Variants in COPS7B observed in about 807,000 individuals in gnomAD.
COPS7B encodes COP9 signalosome complex subunit 7b.
Under a neutral mutation model 33.4 loss-of-function variants are expected in COPS7B, and 9 were observed. The observed-to-expected ratio is 0.27, with a 90% confidence interval of 0.16 to 0.47. COPS7B has a LOEUF of 0.47. COPS7B is among the 20% of genes least tolerant of loss of function. The pLI, the probability that COPS7B is intolerant of heterozygous loss-of-function variation, is 0.99. For synonymous variants in COPS7B, 119 were observed against 126.3 expected (o/e 0.94, Z 0.39); for missense variants, 242 against 318.2 (o/e 0.76, Z 1.82).
At chr2:231,805,083 C>T (rs888282787) in intron 6 of COPS7B, among the ~76,000 whole-genome samples, 3 of 152,172 alleles carry the variant, frequency 2.0e-5, no homozygotes, top group African/African-American at 4.8e-5. Context: ...TCTGTAGTCC[C>T]AGCTACTTAG....
Position 231,808,464 on chromosome 2 carries a change from C to G in COPS7B, c.*819C>G. 2.1e-6 allele frequency: 1 copy of G among 471,654 alleles called. No individual in the cohort carries two copies. Among genetic ancestry groups the G allele is most frequent in the Non-Finnish European group, 4.4e-6 (1 of 227,170 alleles). 29.2% of individuals were successfully genotyped at this position (471,654 alleles called of 1,614,324 possible). A position where few individuals can be genotyped will look rare whatever the true frequency, so the allele number is the denominator to read the frequency against. On this transcript the variant is annotated 3_prime_UTR_variant, in exon 7 of 7. Coordinates refer to ENST00000350033, the MANE Select transcript of COPS7B (RefSeq NM_022730.4). ...AACTGCCGGCTAATGCTTGCTCTCC[C>G]AAGATCTTTAACTCCTCCTGGCTGC...
Position 231,798,957 on chromosome 2 carries a change from A to C in COPS7B, c.629A>C (p.Glu210Ala), listed in dbSNP as rs774800382. ...CACAACCGAACTCAGCAGCAGGTAGAAGCAGAGGTAAGGAAGGAAAGGAAC... is the reference window on the plus strand; with the variant it reads ...CACAACCGAACTCAGCAGCAGGTAGCAGCAGAGGTAAGGAAGGAAAGGAAC... ...ENHNRTQQQV[E>A]AEVTNIKKTL... Residue 210 changes from glutamate (E) to alanine (A), a missense_variant, in exon 6 of 7, where the codon GAA becomes GCA. By Grantham distance (107) the Glu-to-Ala change is moderately radical. Transcript: ENST00000350033. 1 of 1,613,404 alleles carries C rather than the reference A, an allele frequency of 6.2e-7. No homozygotes were observed. The highest frequency in any genetic ancestry group is 8.5e-7 in the Non-Finnish European group (1 of 1,179,374).
At position 231,808,281 on chromosome 2, in the gene COPS7B, A is replaced by C. The variant is rs1019488239; in HGVS notation, c.*636A>C. ...CCAATTAGTTGAGAGCGCTGGGTTG[A>C]CTAACCTCTGGTATCTGAGCACAGA... On this transcript the variant is annotated 3_prime_UTR_variant, in exon 7 of 7. Transcript: ENST00000350033. 1 of 376,792 alleles carries C rather than the reference A, an allele frequency of 2.7e-6. No homozygotes were observed. Among genetic ancestry groups the C allele is most frequent in the African/African-American group, 2.1e-5 (1 of 46,552 alleles). The allele number at this position is 376,792 out of a possible 1,614,324, so 23.3% of individuals were successfully genotyped here.
Position 231,808,585 on chromosome 2 carries a change from G to A in COPS7B, c.*940G>A, listed in dbSNP as rs752710204. ...ACCCCTCCTTGGCTGATGACCCAGA[G>A]CCCTCTGATGATGGCATTCTCCTGG... On this transcript the variant is annotated 3_prime_UTR_variant, in exon 7 of 7. Coordinates refer to ENST00000350033, the MANE Select transcript of COPS7B (RefSeq NM_022730.4). 2.1e-6 allele frequency: 1 copy of A among 468,328 alleles called. No individual in the cohort carries two copies. Among genetic ancestry groups the A allele is most frequent in the Admixed American group, 2.4e-5 (1 of 41,990 alleles). 29.0% of individuals were successfully genotyped at this position (468,328 alleles called of 1,614,324 possible).
At chr2:231,807,003 G>T (rs967163412) in intron 6 of COPS7B, among the ~76,000 whole-genome samples, 17 of 152,198 alleles carry the variant, frequency 1.1e-4, no homozygotes, top group Non-Finnish European at 2.1e-4. Context: ...TACTGCACAC[G>T]GTAGTGTCAT....
chr2:231,790,068 TCAATAAAAATTTAATTTAC>T (rs1375791956), intron 2 of COPS7B: 1 of 152,238 alleles, frequency 6.6e-6, no homozygotes, highest in African/African-American at 2.4e-5. Context: ...CAGTAGGCTT[TCAATAAAAATTTAATTTAC>T]CAGAAGTGGA....
At chr2:231,802,184 A>G (rs2049769979) in intron 6 of COPS7B, among the ~76,000 whole-genome samples, 1 of 152,344 alleles carries the variant, frequency 6.6e-6, no homozygotes, top group African/African-American at 2.4e-5. Context: ...TGGAGGTCGT[A>G]AAGTGTAACT....
At chr2:231,787,410 TA>T (rs1157703012) in intron 1 of COPS7B, among the ~76,000 whole-genome samples, 4 of 152,242 alleles carry the variant, frequency 2.6e-5, no homozygotes, top group African/African-American at 9.6e-5. Context: ...CACGCTGCTC[TA>T]ATATGTATCA....
At chr2:231,782,677 A>G (rs929678091), upstream of COPS7B, among the ~76,000 whole-genome samples, 20 of 152,232 alleles carry the variant, frequency 1.3e-4, no homozygotes, top group African/African-American at 4.6e-4. Flanking sequence ...AGGAGACTCC[A>G]CTGAGATTCA....
chr2:231,803,583 G>T (rs2049808715), intron 6 of COPS7B, among the ~76,000 whole-genome samples: 1 of 152,194 alleles, frequency 6.6e-6, no homozygotes, highest in Non-Finnish European at 1.5e-5. Flanking sequence ...AATAACAGGG[G>T]AAAGTGTCCA....
At chr2:231,803,520 A>G (rs1290377145) in intron 6 of COPS7B, among the ~76,000 whole-genome samples, 1 of 152,178 alleles carries the variant, frequency 6.6e-6, no homozygotes, top group Non-Finnish European at 1.5e-5. Flanking sequence ...AAAAAGCTGA[A>G]TGAGAGCAGT....
At chr2:231,790,848 C>T (rs953723113) in intron 2 of COPS7B, 4 of 151,774 alleles carry the variant, frequency 2.6e-5, no homozygotes, top group Admixed American at 2.0e-4. Flanking sequence ...ACGCCATTCT[C>T]CTGCCTCAGC....
At chr2:231,795,989 A>T in intron 4 of COPS7B, 117 bp from the exon 5 acceptor site, 1 of 732,678 alleles carries the variant, frequency 1.4e-6, no homozygotes, top group Non-Finnish European at 2.3e-6. Context: ...ATTAATAATT[A>T]CCACTAGCCT....
At chr2:231,792,365 G>T (rs749367007) in intron 3 of COPS7B, 14 of 248,986 alleles carry the variant, frequency 5.6e-5, no homozygotes, top group Non-Finnish European at 1.0e-4. Context: ...GGTGGTGGGC[G>T]CCTGTAATCC....
At chr2:231,795,186 T>C (rs2049531677) in intron 4 of COPS7B, among the ~76,000 whole-genome samples, 1 of 152,166 alleles carries the variant, frequency 6.6e-6, no homozygotes, top group African/African-American at 2.4e-5. Context: ...CCCAAAGTGC[T>C]GGGATTACAG....
At chr2:231,781,758 G>C, upstream of COPS7B, 6 of 1,401,496 alleles carry the variant, frequency 4.3e-6, no homozygotes, top group Non-Finnish European at 3.0e-6. Context: ...CGCCCGCTGA[G>C]TTGGTCGTTT....
chr2:231,807,859 T>C lies in COPS7B; in HGVS notation c.*214T>C, dbSNP rs375203882. On this transcript the variant is annotated 3_prime_UTR_variant, in exon 7 of 7. Coordinates refer to ENST00000350033, the MANE Select transcript of COPS7B (RefSeq NM_022730.4). ...AGTTGTTCCCTTCAGACTCAGGGGC[T>C]CCACCAATGCCATCCCAAAACAGGG... The C allele has an allele frequency of 2.0e-6, 1 of 490,226 alleles. No homozygotes were observed. Among genetic ancestry groups the C allele is most frequent in the Non-Finnish European group, 3.6e-6 (1 of 276,896 alleles). The allele number at this position is 490,226 out of a possible 1,614,324, so 30.4% of individuals were successfully genotyped here. A position where few individuals can be genotyped will look rare whatever the true frequency, so the allele number is the denominator to read the frequency against.
At chr2:231,788,358 A>G (rs1357502024) in intron 1 of COPS7B, among the ~76,000 whole-genome samples, 197 bp from the exon 2 acceptor site, 1 of 150,708 alleles carries the variant, frequency 6.6e-6, no homozygotes, top group Non-Finnish European at 1.5e-5. Flanking sequence ...CTGGTCTCGA[A>G]CTCCTCACCT....
upstream of COPS7B, among the ~76,000 whole-genome samples, chr2:231,785,199 C>G (rs2049211248): frequency 6.6e-6 from 1 of 152,220 alleles, no homozygotes; most frequent in Non-Finnish European, 1.5e-5. Context: ...ACTCCTATAG[C>G]ACCTAGCATG....
Sources: allele counts gnomAD v4.1 joint callset (sites outside exome capture counted in the v4.1 genomes callset), GRCh38; gene constraint gnomAD v4.1.1; transcripts MANE v1.5; gene names NCBI Gene and HGNC (gene_info 2026-07-23, HGNC 2026-07-21).